Variants in ZCWPW2 observed in about 807,000 individuals in gnomAD.
ZCWPW2 encodes the protein zinc finger CW-type and PWWP domain containing 2.
ZCWPW2 carries 45 observed loss-of-function variants against 46.6 expected under a neutral mutation model. The observed-to-expected ratio is 0.96, with a 90% CI of 0.76 to 1.24. The LOEUF is 1.24. ZCWPW2 is among the 50% of genes most tolerant of loss of function. ZCWPW2 has a pLI of 0.00. For missense variants in ZCWPW2, 429 were observed against 403.9 expected (o/e 1.06, Z -0.53); for synonymous variants, 152 against 137.1 (o/e 1.11, Z -0.76).
chr3:28,413,424 C>T (rs757899463), intron 3 of ZCWPW2, 24 bp downstream of exon 3: 4 of 1,555,442 alleles, frequency 2.6e-6, no homozygotes, highest in Non-Finnish European at 3.5e-6. Context: ...AGTTTTATGA[C>T]TTTTGAAATG....
At chr3:28,431,118 G>C (rs1320333605) in intron 3 of ZCWPW2, among the ~76,000 whole-genome samples, 1 of 151,964 alleles carries the variant, frequency 6.6e-6, no homozygotes, top group Non-Finnish European at 1.5e-5. Context: ...TTTTATTTTT[G>C]TGATTTCAGA....
At chr3:28,435,065 C>T in intron 3 of ZCWPW2, 45 bp from the exon 4 acceptor site, 1 of 1,593,092 alleles carries the variant, frequency 6.3e-7, no homozygotes, top group South Asian at 1.2e-5. Flanking sequence ...TGATGTCTAC[C>T]TTTTTAAAAG....
chr3:28,517,514 A>G (rs1432360569), intron 8 of ZCWPW2, among the ~76,000 whole-genome samples: 1 of 152,126 alleles, frequency 6.6e-6, no homozygotes, highest in Non-Finnish European at 1.5e-5. Flanking sequence ...CTCACTCACT[A>G]TCACCAGGAC....
At chr3:28,403,008 C>G (rs986377786) in intron 2 of ZCWPW2, among the ~76,000 whole-genome samples, 1 of 152,164 alleles carries the variant, frequency 6.6e-6, no homozygotes, top group Non-Finnish European at 1.5e-5. Context: ...TGCCCACTCT[C>G]ACCACTTCTC....
At chr3:28,429,553 AT>A (rs1405067305) in intron 3 of ZCWPW2, among the ~76,000 whole-genome samples, 8 of 152,226 alleles carry the variant, frequency 5.3e-5, no homozygotes, top group African/African-American at 1.9e-4. Flanking sequence ...CTGAGAAGAA[AT>A]TCAAGCCAGC....
chr3:28,351,221 T>C (rs546091754), intron 1 of ZCWPW2, among the ~76,000 whole-genome samples: 9 of 150,034 alleles, frequency 6.0e-5, no homozygotes, highest in Non-Finnish European at 1.3e-4. Flanking sequence ...AAAATTGTCC[T>C]GTCTACATGT....
chr3:28,367,068 A>G (rs748275076), intron 1 of ZCWPW2, among the ~76,000 whole-genome samples: 5 of 151,780 alleles, frequency 3.3e-5, no homozygotes, highest in Non-Finnish European at 7.4e-5. Flanking sequence ...GCAGTCTATC[A>G]ATTTTGTTGA....
chr3:28,453,260 A>G (rs1430322816), intron 4 of ZCWPW2, among the ~76,000 whole-genome samples: 1 of 152,226 alleles, frequency 6.6e-6, no homozygotes, highest in Non-Finnish European at 1.5e-5. Flanking sequence ...TCACATTTAT[A>G]TATGCTGACT....
intron 2 of ZCWPW2, among the ~76,000 whole-genome samples, chr3:28,394,750 A>C (rs1397861991): frequency 2.0e-5 from 3 of 152,152 alleles, no homozygotes; most frequent in Non-Finnish European, 4.4e-5. Flanking sequence ...TCATACACAA[A>C]AATCAACTCA....
At chr3:28,489,882 G>A (rs776842317) in intron 5 of ZCWPW2, among the ~76,000 whole-genome samples, 10 of 151,950 alleles carry the variant, frequency 6.6e-5, no homozygotes, top group East Asian at 1.9e-4. Flanking sequence ...TACAACAAAG[G>A]AAACTATCAA....
chr3:28,473,430 A>G lies in ZCWPW2; in HGVS notation c.493-5384A>G, dbSNP rs146782355. Among the ~76,000 whole-genome samples, 377 of 152,206 alleles carry G rather than the reference A, an allele frequency of 2.5e-3. 1 individual carries two copies. Among genetic ancestry groups the G allele is most frequent in the African/African-American group, 8.3e-3 (344 of 41,520 alleles). On this transcript the variant is annotated intron_variant, in intron 4 of 9. Transcript: ENST00000383768. ...GCAGAGGCTGCACTGAGCCGAAATC[A>G]TGCCACTGCACTCCAGCTTGGGTGA...
intron 5 of ZCWPW2, among the ~76,000 whole-genome samples, chr3:28,479,182 C>T (rs1699341543): frequency 6.6e-6 from 1 of 152,040 alleles, no homozygotes; most frequent in Non-Finnish European, 1.5e-5. Context: ...TGTTATCTAT[C>T]TTCTTTACCG....
chr3:28,470,455 C>T (rs898321113), intron 4 of ZCWPW2, among the ~76,000 whole-genome samples: 3 of 141,106 alleles, frequency 2.1e-5, no homozygotes, highest in African/African-American at 5.3e-5. Flanking sequence ...GATCGCGTCA[C>T]AGCACTCTAG....
chr3:28,380,962 A>ATTTGG (rs1553630644), intron 1 of ZCWPW2, among the ~76,000 whole-genome samples: 3 of 53,894 alleles, frequency 5.6e-5, no homozygotes, highest in South Asian at 5.9e-4. Context: ...ATATATATAT[A>ATTTGG]TATATATATT....
At chr3:28,358,531 A>G (rs1228167304) in intron 1 of ZCWPW2, among the ~76,000 whole-genome samples, 2 of 152,170 alleles carry the variant, frequency 1.3e-5, no homozygotes, top group Non-Finnish European at 2.9e-5. Context: ...TCTGGTTCTC[A>G]CATGTTTGTC....
chr3:28,349,549 G>A (rs1257191775), intron 1 of ZCWPW2, among the ~76,000 whole-genome samples: 1 of 152,156 alleles, frequency 6.6e-6, no homozygotes, highest in Non-Finnish European at 1.5e-5. Flanking sequence ...GAGAGACAGG[G>A]AGAAGATGCC....
intron 2 of ZCWPW2, among the ~76,000 whole-genome samples, chr3:28,411,111 A>C (rs1364152444): frequency 6.6e-6 from 1 of 152,006 alleles, no homozygotes; most frequent in African/African-American, 2.4e-5. Flanking sequence ...TTATTTATAC[A>C]CACATGTAAA....
At chr3:28,386,213 C>G (rs1450100006) in intron 1 of ZCWPW2, among the ~76,000 whole-genome samples, 1 of 151,898 alleles carries the variant, frequency 6.6e-6, no homozygotes, top group African/African-American at 2.4e-5. Context: ...GGATTAATGC[C>G]CTTATAAGAA....
intron 4 of ZCWPW2, among the ~76,000 whole-genome samples, chr3:28,442,824 G>A (rs1171258249): frequency 6.6e-6 from 1 of 152,158 alleles, no homozygotes; most frequent in African/African-American, 2.4e-5. Flanking sequence ...GATGTGGTGG[G>A]GATCACCACC....
Sources: allele counts gnomAD v4.1 joint callset (sites outside exome capture counted in the v4.1 genomes callset), GRCh38; gene constraint gnomAD v4.1.1; transcripts MANE v1.5; gene names NCBI Gene and HGNC (gene_info 2026-07-23, HGNC 2026-07-21).